Variants in THSD7B observed in about 807,000 individuals in gnomAD.
THSD7B encodes thrombospondin type 1 domain containing 7B, also known as thrombospondin type-1 domain-containing protein 7B.
In THSD7B, 138 loss-of-function variants were observed where a neutral mutation model predicts 213.6. The ratio of observed to expected loss-of-function variants is 0.65; its 90% confidence interval spans 0.56 to 0.74. THSD7B has a LOEUF of 0.74. Ranked by LOEUF, THSD7B falls within the 30% of genes least tolerant of loss-of-function variation. The pLI, the probability that THSD7B is intolerant of heterozygous loss-of-function variation, is 0.00. For missense variants in THSD7B, 1,931 were observed against 1,991.5 expected (o/e 0.97, Z 0.58); for synonymous variants, 742 against 687.0 (o/e 1.08, Z -1.25).
chr2:137,164,122 C>T (rs190088932), intron 6 of THSD7B, among the ~76,000 whole-genome samples: 58 of 152,060 alleles, frequency 3.8e-4, no homozygotes, highest in African/African-American at 1.2e-3. Context: ...AGTGCCAGTA[C>T]GTTGTCATTG....
At chr2:136,939,151 C>T (rs1374445974) in intron 2 of THSD7B, among the ~76,000 whole-genome samples, 1 of 152,078 alleles carries the variant, frequency 6.6e-6, no homozygotes, top group Non-Finnish European at 1.5e-5. Flanking sequence ...TTGGCTGCAG[C>T]ACTTGCCTGG....
chr2:137,674,559 C>A (rs918299230), intron 27 of THSD7B, among the ~76,000 whole-genome samples: 1 of 152,076 alleles, frequency 6.6e-6, no homozygotes, highest in Admixed American at 6.6e-5. Context: ...AGCCTGAGCC[C>A]ATCAGTATAA....
intron 12 of THSD7B, among the ~76,000 whole-genome samples, chr2:137,343,208 G>A (rs1347983107): frequency 6.6e-6 from 1 of 151,092 alleles, no homozygotes; most frequent in Non-Finnish European, 1.5e-5. Context: ...GCAAGGAATG[G>A]TATTAGTTCT....
chr2:137,636,863 T>C (rs1001051897), intron 20 of THSD7B, among the ~76,000 whole-genome samples: 1 of 152,226 alleles, frequency 6.6e-6, no homozygotes, highest in Non-Finnish European at 1.5e-5. Context: ...TTTCTGTGTT[T>C]TTTCTATAGA....
At chr2:137,243,369 T>C (rs1681957471) in intron 10 of THSD7B, among the ~76,000 whole-genome samples, 2 of 152,178 alleles carry the variant, frequency 1.3e-5, no homozygotes, top group South Asian at 4.1e-4. Flanking sequence ...CATTGCATGG[T>C]TACAAAAGGC....
chr2:137,157,451 T>A (rs1206834334), intron 5 of THSD7B, among the ~76,000 whole-genome samples: 45 of 152,162 alleles, frequency 3.0e-4, no homozygotes, highest in Admixed American at 2.9e-3. Context: ...CCGGGGCTGT[T>A]TTGGCTGGCT....
chr2:136,777,338 T>C (rs1681630612), intron 1 of THSD7B, among the ~76,000 whole-genome samples: 1 of 152,162 alleles, frequency 6.6e-6, no homozygotes, highest in Admixed American at 6.6e-5. Context: ...CTGTTTCCAG[T>C]TACTGCCTCA....
At chr2:137,033,396 C>T (rs1224009188) in intron 2 of THSD7B, among the ~76,000 whole-genome samples, 1 of 152,164 alleles carries the variant, frequency 6.6e-6, no homozygotes, top group Non-Finnish European at 1.5e-5. Context: ...AGCAGAAGTG[C>T]ACAAGTCTCT....
At chr2:137,423,328 T>C (rs761057229) in intron 14 of THSD7B, among the ~76,000 whole-genome samples, 1 of 152,080 alleles carries the variant, frequency 6.6e-6, no homozygotes, top group African/African-American at 2.4e-5. Context: ...GGTATCTATA[T>C]TGAAAATCCA....
chr2:137,176,819 G>A (rs1680366487), intron 7 of THSD7B, among the ~76,000 whole-genome samples: 1 of 152,168 alleles, frequency 6.6e-6, no homozygotes, highest in Non-Finnish European at 1.5e-5. Context: ...GTTTGAAGCT[G>A]TTTCCTTATT....
At chr2:137,221,058 T>C (rs1374511227) in intron 7 of THSD7B, among the ~76,000 whole-genome samples, 1 of 152,098 alleles carries the variant, frequency 6.6e-6, no homozygotes, top group East Asian at 1.9e-4. Flanking sequence ...CCCAGCACTT[T>C]GGGAGTCCGA....
chr2:137,546,350 C>CAT lies in THSD7B; in HGVS notation c.3139-16860_3139-16859dup, dbSNP rs200045446. Among the ~76,000 whole-genome samples, 6 of 61,390 alleles carry CAT rather than the reference C, an allele frequency of 9.8e-5. No individual in the cohort carries two copies. In the East Asian group the frequency reaches 1.2e-3, roughly 12 times the overall value. The allele number at this position is 61,390 out of a possible 152,430, so 40.3% of individuals were successfully genotyped here. A position where few individuals can be genotyped will look rare whatever the true frequency, so the allele number is the denominator to read the frequency against. On this transcript the variant is annotated intron_variant, in intron 15 of 27. Coordinates refer to ENST00000409968, the MANE Select transcript of THSD7B (RefSeq NM_001316349.2). ...TTCATGCATTCAGTATTGAAGTCAG[C>CAT]ATATATATATATTATATATATATAT...
Position 137,360,384 on chromosome 2 carries a change from G to A in THSD7B, c.2501-45229G>A, listed in dbSNP as rs185316957. The stretch of plus-strand genomic sequence containing the variant: ...ACTGGTCAGACAGGGTGCACCCTAC[G>A]GAGGGTGAGCTGAAGCAGAGTGGGG... On this transcript the variant is annotated intron_variant, in intron 12 of 27. Coordinates refer to ENST00000409968, the MANE Select transcript of THSD7B (RefSeq NM_001316349.2). 4.6e-5 allele frequency among the ~76,000 whole-genome samples: 7 copies of A among 152,200 alleles called. No homozygotes were observed. In the South Asian group the frequency reaches 1.0e-3, roughly 23 times the overall value.
intron 2 of THSD7B, among the ~76,000 whole-genome samples, chr2:136,897,219 C>T (rs769429652): frequency 5.9e-5 from 9 of 152,066 alleles, no homozygotes; most frequent in African/African-American, 1.4e-4. Flanking sequence ...TGGTTCCTTC[C>T]GGTGGGTTCT....
intron 20 of THSD7B, among the ~76,000 whole-genome samples, chr2:137,624,251 C>G (rs1013982177): frequency 1.3e-5 from 2 of 152,226 alleles, no homozygotes; most frequent in African/African-American, 4.8e-5. Context: ...TTAATAACTG[C>G]TGCTGGGAAA....
intron 1 of THSD7B, among the ~76,000 whole-genome samples, chr2:136,877,932 T>TA (rs566636688): frequency 6.6e-5 from 10 of 152,038 alleles, no homozygotes; most frequent in Admixed American, 2.0e-4. Context: ...CTTGTTTTTT[T>TA]AATTATACTT....
chr2:137,575,256 T>C (rs1681434768), intron 17 of THSD7B, among the ~76,000 whole-genome samples: 1 of 152,048 alleles, frequency 6.6e-6, no homozygotes, highest in African/African-American at 2.4e-5. Context: ...CACAGAATTG[T>C]GATGAAGAAG....
intron 7 of THSD7B, among the ~76,000 whole-genome samples, chr2:137,213,568 CATAT>C (rs1321619634): frequency 6.7e-6 from 1 of 150,192 alleles, no homozygotes; most frequent in African/African-American, 2.4e-5. Flanking sequence ...TGTGGATAAT[CATAT>C]ATAATGATAC....
At chr2:137,648,985 A>G (rs1163895372) in intron 21 of THSD7B, among the ~76,000 whole-genome samples, 1 of 152,022 alleles carries the variant, frequency 6.6e-6, no homozygotes, top group Admixed American at 6.5e-5. Context: ...ATGATATCTC[A>G]TTATGCTTTT....
Sources: gnomAD v4.1 joint callset for allele counts (sites outside exome capture counted in the v4.1 genomes callset) on GRCh38, gnomAD v4.1.1 for gene constraint, MANE v1.5 for transcripts, NCBI Gene and HGNC (gene_info 2026-07-23, HGNC 2026-07-21) for gene names.